Variants in SLMAP observed in about 807,000 individuals in gnomAD.
The protein encoded by SLMAP is sarcolemma associated protein.
In SLMAP, 44 loss-of-function variants were observed where a neutral mutation model predicts 128.8. The observed-to-expected ratio is 0.34, with a 90% confidence interval of 0.27 to 0.44. SLMAP has a LOEUF of 0.44. Ranked by LOEUF, SLMAP falls within the 20% of genes least tolerant of loss-of-function variation. SLMAP has a pLI of 1.00. For missense variants in SLMAP, 787 were observed against 985.3 expected (o/e 0.80, Z 2.69); for synonymous variants, 327 against 348.8 (o/e 0.94, Z 0.70).
chr3:57,905,164 GT>G (rs1256281893), intron 17 of SLMAP, among the ~76,000 whole-genome samples: 1 of 152,088 alleles, frequency 6.6e-6, no homozygotes, highest in African/African-American at 2.4e-5. Flanking sequence ...GACTTAAGAA[GT>G]GTGTGTGTGG....
At chr3:57,894,147 C>A (rs1304120643) in intron 15 of SLMAP, among the ~76,000 whole-genome samples, 1 of 151,598 alleles carries the variant, frequency 6.6e-6, no homozygotes, top group African/African-American at 2.4e-5. Flanking sequence ...ATATATATAT[C>A]TACAAATTTT....
chr3:57,878,464 C>T (rs1178915615), intron 14 of SLMAP, among the ~76,000 whole-genome samples: 4 of 152,058 alleles, frequency 2.6e-5, no homozygotes, highest in African/African-American at 7.2e-5. Context: ...AATGTTAACT[C>T]ATTTCTGTTT....
rs144788518 is a variant in SLMAP, at chr3:57,845,526, C to T, written c.420-1671C>T. Among the ~76,000 whole-genome samples, 615 of 152,278 alleles carry T rather than the reference C, an allele frequency of 4.0e-3. 6 individuals are homozygous for T. The highest frequency in any genetic ancestry group is 0.014 in the African/African-American group (598 of 41,550). On this transcript the variant is annotated intron_variant, in intron 4 of 24. Transcript: ENST00000671191. Reference sequence around the variant, plus strand: ...GCAGCTTACATATGATTTATCAGTTCAAGCTAAGAACTTTACTCAGTCAAC... The same window carrying T: ...GCAGCTTACATATGATTTATCAGTTTAAGCTAAGAACTTTACTCAGTCAAC...
chr3:57,833,527 C>T (rs916889429), intron 3 of SLMAP, among the ~76,000 whole-genome samples: 1 of 151,764 alleles, frequency 6.6e-6, no homozygotes, highest in African/African-American at 2.4e-5. Flanking sequence ...TCAAGTGATT[C>T]TCCTGCCTCA....
At chr3:57,836,539 T>A (rs763074282) in intron 3 of SLMAP, among the ~76,000 whole-genome samples, 8 of 152,132 alleles carry the variant, frequency 5.3e-5, no homozygotes, top group Non-Finnish European at 8.8e-5. Flanking sequence ...GGCCTCACTG[T>A]GTTACCCAGG....
intron 2 of SLMAP, among the ~76,000 whole-genome samples, chr3:57,759,426 C>T (rs565141850): frequency 2.6e-5 from 4 of 152,140 alleles, no homozygotes; most frequent in Admixed American, 1.3e-4. Flanking sequence ...TACAGGCACA[C>T]GCCACCATGC....
chr3:57,881,063 G>A (rs1050456285), intron 14 of SLMAP, among the ~76,000 whole-genome samples: 5 of 151,824 alleles, frequency 3.3e-5, no homozygotes, highest in East Asian at 1.9e-4. Flanking sequence ...GCATGGTGGC[G>A]CGCGCCTGTA....
intron 21 of SLMAP, among the ~76,000 whole-genome samples, chr3:57,915,279 G>A (rs1250665130): frequency 1.3e-5 from 2 of 152,192 alleles, no homozygotes; most frequent in Non-Finnish European, 2.9e-5. Flanking sequence ...AATTTTAAGT[G>A]TTGGGAAGCA....
intron 2 of SLMAP, among the ~76,000 whole-genome samples, chr3:57,783,991 G>C (rs2083564343): frequency 6.6e-6 from 1 of 152,084 alleles, no homozygotes; most frequent in South Asian, 2.1e-4. Context: ...ATAAACTCTG[G>C]TGGTGTACAC....
chr3:57,820,766 C>G (rs1287948668), intron 2 of SLMAP, among the ~76,000 whole-genome samples: 2 of 152,168 alleles, frequency 1.3e-5, no homozygotes, highest in African/African-American at 4.8e-5. Flanking sequence ...CCTGCTCCTC[C>G]TGGTCCACTT....
At chr3:57,819,758 G>A (rs2092328244) in intron 2 of SLMAP, among the ~76,000 whole-genome samples, 1 of 151,502 alleles carries the variant, frequency 6.6e-6, no homozygotes, top group East Asian at 1.9e-4. Context: ...TGTTGTTTTT[G>A]TTGTTGTTTG....
At chr3:57,882,102 T>C (rs6793552) in intron 14 of SLMAP, among the ~76,000 whole-genome samples, 5,674 of 152,270 alleles carry the variant, frequency 0.037, 370 homozygotes, top group African/African-American at 0.13. Flanking sequence ...ATTTAATCCT[T>C]TTTTTAGGAT....
chr3:57,891,970 C>T (rs914628244), intron 15 of SLMAP, among the ~76,000 whole-genome samples: 7 of 152,044 alleles, frequency 4.6e-5, no homozygotes, highest in Admixed American at 3.9e-4. Flanking sequence ...CATTAGGGTC[C>T]ATTAATAAGG....
At chr3:57,850,773 A>G (rs1039118582) in intron 6 of SLMAP, among the ~76,000 whole-genome samples, 2 of 152,120 alleles carry the variant, frequency 1.3e-5, no homozygotes, top group African/African-American at 4.8e-5. Context: ...GGCTGGGACT[A>G]CAGGCATCCA....
At chr3:57,779,932 C>G (rs1199175519) in intron 2 of SLMAP, among the ~76,000 whole-genome samples, 1 of 151,788 alleles carries the variant, frequency 6.6e-6, no homozygotes, top group Non-Finnish European at 1.5e-5. Flanking sequence ...GTTGGGTACA[C>G]CGACTTTTTT....
At chr3:57,795,092 C>T (rs951724860) in intron 2 of SLMAP, among the ~76,000 whole-genome samples, 3 of 152,144 alleles carry the variant, frequency 2.0e-5, no homozygotes, top group African/African-American at 7.2e-5. Context: ...TTGTAGCCAT[C>T]AGGTGGGTAG....
At chr3:57,786,731 A>ATTTTTTT (rs35138483) in intron 2 of SLMAP, among the ~76,000 whole-genome samples, 6 of 88,756 alleles carry the variant, frequency 6.8e-5, no homozygotes, top group Non-Finnish European at 8.7e-5. Context: ...TAGTCTTTGT[A>ATTTTTTT]TTTTTTTTTT....
intron 7 of SLMAP, 86 bp downstream of exon 7, chr3:57,857,914 AAGAC>A: frequency 9.7e-7 from 1 of 1,028,410 alleles, no homozygotes; most frequent in Non-Finnish European, 1.5e-6. Context: ...GTAGCAAACA[AAGAC>A]AAAGTTATTT....
chr3:57,850,106 G>T (rs1411699508), intron 6 of SLMAP, among the ~76,000 whole-genome samples: 4 of 152,114 alleles, frequency 2.6e-5, no homozygotes, highest in African/African-American at 9.7e-5. Context: ...AGCCCAGGGG[G>T]TCGAGGCTGC....
Sources: allele counts gnomAD v4.1 joint callset (sites outside exome capture counted in the v4.1 genomes callset), GRCh38; gene constraint gnomAD v4.1.1; transcripts MANE v1.5; gene names NCBI Gene and HGNC (gene_info 2026-07-23, HGNC 2026-07-21).